The following NXPH1 variants were observed in gnomAD, a reference collection of about 807,000 sequenced individuals.
NXPH1 encodes neurexophilin 1, also known as neurexophilin-1.
A neutral mutation model predicts 23.7 loss-of-function variants in NXPH1; 5 were observed. The ratio of observed to expected loss-of-function variants is 0.21; its 90% CI spans 0.11 to 0.44. The LOEUF is 0.44. Ranked by LOEUF, NXPH1 falls within the 20% of genes least tolerant of loss-of-function variation. The pLI, the probability that NXPH1 is intolerant of heterozygous loss-of-function variation, is 0.99. For missense variants in NXPH1, 324 were observed against 321.6 expected (o/e 1.01, Z -0.06); for synonymous variants, 144 against 122.2 (o/e 1.18, Z -1.18).
chr7:8,617,177 T>C (rs559013155), intron 2 of NXPH1, among the ~76,000 whole-genome samples: 1 of 152,240 alleles, frequency 6.6e-6, no homozygotes, highest in African/African-American at 2.4e-5. Context: ...TCTCCAATTA[T>C]CCAGTCCCAA....
Position 8,671,409 on chromosome 7 carries a change from C to G in NXPH1, c.55-79599C>G, listed in dbSNP as rs567015625. 7.9e-4 allele frequency among the ~76,000 whole-genome samples: 120 copies of G among 152,260 alleles called. 1 individual carries two copies. Among genetic ancestry groups the G allele is most frequent in the Non-Finnish European group, 1.1e-3 (74 of 68,012 alleles). On this transcript the variant is annotated intron_variant, in intron 2 of 2. Coordinates refer to ENST00000405863, the MANE Select transcript of NXPH1 (RefSeq NM_152745.3). ...ATGTTTGGTTTCAGAGACTTTCTGTCTCATGTATTTGCCATAAAGAATGAA... is the reference window on the plus strand; with the variant it reads ...ATGTTTGGTTTCAGAGACTTTCTGTGTCATGTATTTGCCATAAAGAATGAA...
intron 2 of NXPH1, among the ~76,000 whole-genome samples, chr7:8,724,318 T>C (rs1217102544): frequency 6.6e-6 from 1 of 152,218 alleles, no homozygotes; most frequent in African/African-American, 2.4e-5. Flanking sequence ...AGCTGGAATG[T>C]TACCCGGCTC....
At chr7:8,567,819 T>A (rs183880668) in intron 2 of NXPH1, among the ~76,000 whole-genome samples, 1 of 151,994 alleles carries the variant, frequency 6.6e-6, no homozygotes, top group East Asian at 1.9e-4. Context: ...CTTTCAGTGT[T>A]GCTCAAGGCA....
At chr7:8,596,611 T>G (rs1011708434) in intron 2 of NXPH1, among the ~76,000 whole-genome samples, 1 of 152,146 alleles carries the variant, frequency 6.6e-6, no homozygotes, top group Non-Finnish European at 1.5e-5. Context: ...TCATTAAACA[T>G]TTACTATGCT....
chr7:8,669,350 G>T (rs1184103836), intron 2 of NXPH1, among the ~76,000 whole-genome samples: 1 of 152,082 alleles, frequency 6.6e-6, no homozygotes, highest in Non-Finnish European at 1.5e-5. Context: ...AGACCAAAGG[G>T]CCTGGCCTAG....
At chr7:8,532,623 A>G (rs1817966161) in intron 2 of NXPH1, among the ~76,000 whole-genome samples, 2 of 152,176 alleles carry the variant, frequency 1.3e-5, no homozygotes, top group South Asian at 4.1e-4. Context: ...CCATGATCTG[A>G]GGTCTGAGAC....
chr7:8,701,411 C>T (rs1414522537), intron 2 of NXPH1, among the ~76,000 whole-genome samples: 1 of 151,974 alleles, frequency 6.6e-6, no homozygotes, highest in Admixed American at 6.6e-5. Flanking sequence ...GCTGCCTGTT[C>T]CCTCCTCTTG....
chr7:8,726,869 T>C (rs2115211846), intron 2 of NXPH1, among the ~76,000 whole-genome samples: 1 of 152,078 alleles, frequency 6.6e-6, no homozygotes, highest in Non-Finnish European at 1.5e-5. Context: ...GATGGCTGGG[T>C]CAAATGGCGT....
chr7:8,618,121 T>C (rs1309359753), intron 2 of NXPH1, among the ~76,000 whole-genome samples: 2 of 152,162 alleles, frequency 1.3e-5, no homozygotes, highest in African/African-American at 4.8e-5. Flanking sequence ...CATAAGGAAT[T>C]ATGATTTCTG....
chr7:8,593,461 A>G (rs943883213), intron 2 of NXPH1, among the ~76,000 whole-genome samples: 5 of 152,024 alleles, frequency 3.3e-5, no homozygotes, highest in African/African-American at 1.2e-4. Context: ...CAAATCTTGT[A>G]AAACAAAAAA....
chr7:8,648,361 A>G (rs1367621646), intron 2 of NXPH1, among the ~76,000 whole-genome samples: 29 of 152,000 alleles, frequency 1.9e-4, no homozygotes, highest in Admixed American at 1.8e-3. Context: ...CTCTACGTTC[A>G]TTAGTTCAAT....
intron 2 of NXPH1, among the ~76,000 whole-genome samples, chr7:8,619,357 G>A (rs1200456924): frequency 6.6e-6 from 1 of 152,164 alleles, no homozygotes; most frequent in Non-Finnish European, 1.5e-5. Context: ...ATTTGTTGCT[G>A]CATCTGGGAT....
In NXPH1 at chr7:8,674,203, A is replaced by ACACACACC. The variant is rs749254159; in HGVS notation, c.55-76804_55-76803insACACACCC. 8.3e-3 allele frequency among the ~76,000 whole-genome samples: 959 copies of ACACACACC among 115,362 alleles called. 17 individuals are homozygous for ACACACACC. Among genetic ancestry groups the ACACACACC allele is most frequent in the Middle Eastern group, 0.021 (5 of 238 alleles). The allele number at this position is 115,362 out of a possible 152,430, so 75.7% of individuals were successfully genotyped here. A position where few individuals can be genotyped will look rare whatever the true frequency, so the allele number is the denominator to read the frequency against. On this transcript the variant is annotated intron_variant, in intron 2 of 2. Transcript: ENST00000405863. Reference sequence around the variant, plus strand: ...CACACACACACACACACACACACACACCTATGCAATTCAATCCTTGCTGCA... The same window carrying ACACACACC: ...CACACACACACACACACACACACACACACACACCCCTATGCAATTCAATCCTTGCTGCA...
chr7:8,656,733 C>G (rs539748056), intron 2 of NXPH1, among the ~76,000 whole-genome samples: 1 of 151,594 alleles, frequency 6.6e-6, no homozygotes, highest in Non-Finnish European at 1.5e-5. Context: ...GTGATGTTCC[C>G]CTTCCTGTGT....
intron 2 of NXPH1, among the ~76,000 whole-genome samples, chr7:8,669,290 G>T (rs1820829332): frequency 1.3e-5 from 2 of 152,178 alleles, no homozygotes; most frequent in African/African-American, 2.4e-5. Flanking sequence ...GCCTGGGGCT[G>T]TGTGGGTCCA....
chr7:8,722,610 T>C (rs1779987437), intron 2 of NXPH1, among the ~76,000 whole-genome samples: 1 of 152,212 alleles, frequency 6.6e-6, no homozygotes, highest in South Asian at 2.1e-4. Flanking sequence ...TTTCACAAAA[T>C]TAAAACTTGC....
At chr7:8,538,266 C>T (rs1048935814) in intron 2 of NXPH1, among the ~76,000 whole-genome samples, 1 of 151,900 alleles carries the variant, frequency 6.6e-6, no homozygotes, top group African/African-American at 2.4e-5. Context: ...TGAACCATTT[C>T]CTTAAGGCAT....
chr7:8,629,992 A>G (rs1446633266), intron 2 of NXPH1, among the ~76,000 whole-genome samples: 5 of 152,124 alleles, frequency 3.3e-5, no homozygotes, highest in African/African-American at 4.8e-5. Context: ...GTACTGTGCT[A>G]AAGAGGCCAA....
intron 2 of NXPH1, among the ~76,000 whole-genome samples, chr7:8,695,300 G>T (rs1821290574): frequency 6.6e-6 from 1 of 152,130 alleles, no homozygotes; most frequent in Admixed American, 6.6e-5. Context: ...TAGCACAGGT[G>T]GCGAAACTGA....
Sources: allele counts gnomAD v4.1 joint callset (sites outside exome capture counted in the v4.1 genomes callset), GRCh38; gene constraint gnomAD v4.1.1; transcripts MANE v1.5; gene names NCBI Gene and HGNC (gene_info 2026-07-23, HGNC 2026-07-21).